Variants in TOX2 observed in about 807,000 individuals in gnomAD.
TOX2 encodes TOX high mobility group box family member 2.
TOX2 carries 15 observed loss-of-function variants against 47.4 expected under a neutral mutation model. The ratio of observed to expected loss-of-function variants is 0.32; its 90% CI spans 0.21 to 0.49. The LOEUF (loss-of-function observed/expected upper bound fraction) is 0.49. TOX2 is among the 20% of genes least tolerant of loss of function. TOX2 has a pLI of 0.99. For missense variants in TOX2, 622 were observed against 673.1 expected (o/e 0.92, Z 0.84); for synonymous variants, 290 against 296.6 (o/e 0.98, Z 0.23).
intron 2 of TOX2, among the ~76,000 whole-genome samples, chr20:43,976,260 G>T (rs2070075627): frequency 6.6e-6 from 1 of 152,202 alleles, no homozygotes; most frequent in Non-Finnish European, 1.5e-5. Flanking sequence ...TTCTGGCCTT[G>T]CTTAGGATCA....
rs73282684 is a variant in TOX2, at chr20:44,016,437, T to C, written c.411+9645T>C. 4.3e-3 allele frequency among the ~76,000 whole-genome samples: 658 copies of C among 152,236 alleles called. 3 individuals carry two copies. The highest frequency in any genetic ancestry group is 0.015 in the African/African-American group (625 of 41,536). The stretch of plus-strand genomic sequence containing the variant: ...CTATGCCTGGCCTGAAGTAGCATCT[T>C]AAACCATGGTGTTTCCCACCTGTGT... On this transcript the variant is annotated intron_variant, in intron 3 of 8. Transcript: ENST00000341197.
At chr20:43,934,158 AGAGAGAGAGAC>A in intron 1 of TOX2, among the ~76,000 whole-genome samples, 1 of 150,596 alleles carries the variant, frequency 6.6e-6, no homozygotes, top group East Asian at 2.0e-4. Flanking sequence ...AGAGAGAGAG[AGAGAGAGAGAC>A]CTGCCCTCAG....
At chr20:43,943,302 CT>C (rs35344264) in intron 1 of TOX2, among the ~76,000 whole-genome samples, 74,101 of 152,024 alleles carry the variant, frequency 0.49, 21,005 homozygotes, top group Non-Finnish European at 0.62. Context: ...TATAAACTCC[CT>C]CTCCTACAGA....
At chr20:44,059,315 CAG>C (rs1362772684) in intron 5 of TOX2, among the ~76,000 whole-genome samples, 1 of 152,076 alleles carries the variant, frequency 6.6e-6, no homozygotes, top group Admixed American at 6.6e-5. Context: ...CCCAATTCAA[CAG>C]AGACAAAAAA....
At chr20:43,951,710 T>G (rs189627107) in intron 1 of TOX2, among the ~76,000 whole-genome samples, 1,378 of 113,338 alleles carry the variant, frequency 0.012, 75 homozygotes, top group African/African-American at 0.044. Flanking sequence ...TTATTATGTT[T>G]TTTTTTTTTT....
chr20:44,012,878 C>T (rs181776718), intron 3 of TOX2, among the ~76,000 whole-genome samples: 99 of 152,344 alleles, frequency 6.5e-4, no homozygotes, highest in Admixed American at 3.5e-3. Context: ...TCTAGGTCCC[C>T]GTCCCAAAGC....
chr20:43,931,739 G>T (rs2069255475), intron 1 of TOX2, among the ~76,000 whole-genome samples: 1 of 152,222 alleles, frequency 6.6e-6, no homozygotes, highest in South Asian at 2.1e-4. Context: ...TAGTTGGGAG[G>T]TGGTGCCTGT....
intron 4 of TOX2, 97 bp downstream of exon 4, chr20:44,051,642 T>C (rs1353065310): frequency 1.4e-6 from 2 of 1,478,818 alleles, no homozygotes; most frequent in Non-Finnish European, 1.8e-6. Flanking sequence ...TAGTAAAGAC[T>C]AGAAAAGCCT....
chr20:43,952,712 A>G (rs2069601328), intron 1 of TOX2, among the ~76,000 whole-genome samples: 1 of 152,184 alleles, frequency 6.6e-6, no homozygotes, highest in Non-Finnish European at 1.5e-5. Flanking sequence ...AGAGCCAGAT[A>G]TTGGAGAGCA....
intron 2 of TOX2, among the ~76,000 whole-genome samples, chr20:43,985,511 T>A (rs188151124): frequency 2.6e-5 from 4 of 152,348 alleles, no homozygotes; most frequent in Admixed American, 1.3e-4. Flanking sequence ...CCAAGTTTTC[T>A]GAGCTTCAAT....
chr20:43,948,567 T>G (rs527596497), intron 1 of TOX2, among the ~76,000 whole-genome samples: 2 of 152,334 alleles, frequency 1.3e-5, no homozygotes, highest in South Asian at 2.1e-4. Context: ...AGGTTTCCAG[T>G]GGAGGCAGCT....
chr20:43,945,701 C>T (rs575218050), intron 1 of TOX2: 31 of 595,862 alleles, frequency 5.2e-5, no homozygotes, highest in African/African-American at 1.7e-4. Flanking sequence ...GCGTGGAGAC[C>T]GCCACCAGGA....
At chr20:44,033,244 AT>A (rs142265154) in intron 3 of TOX2, among the ~76,000 whole-genome samples, 8 of 150,826 alleles carry the variant, frequency 5.3e-5, no homozygotes, top group Non-Finnish European at 8.9e-5. Flanking sequence ...TTTGTGCTAG[AT>A]TTTTTTTTTC....
chr20:43,991,614 CATT>C (rs143981680), intron 2 of TOX2, among the ~76,000 whole-genome samples: 18,428 of 141,244 alleles, frequency 0.13, 1,212 homozygotes, highest in South Asian at 0.2. Flanking sequence ...AGGCAATAAT[CATT>C]ATTATTATTA....
chr20:44,035,647 C>T (rs751634091), intron 3 of TOX2, among the ~76,000 whole-genome samples: 8 of 152,206 alleles, frequency 5.3e-5, no homozygotes, highest in South Asian at 2.1e-4. Flanking sequence ...TGGAGGGAGA[C>T]GTGGCTGATG....
At chr20:43,951,707 G>GTTTGTTTTTTTTTTTTTTTT (rs2069571364) in intron 1 of TOX2, among the ~76,000 whole-genome samples, 1 of 55,098 alleles carries the variant, frequency 1.8e-5, no homozygotes, top group Non-Finnish European at 3.9e-5. Context: ...AACTTATTAT[G>GTTTGTTTTTTTTTTTTTTTT]TTTTTTTTTT....
intron 7 of TOX2, among the ~76,000 whole-genome samples, 176 bp from the exon 8 acceptor site, chr20:44,066,554 A>C (rs561223083): frequency 6.6e-6 from 1 of 152,326 alleles, no homozygotes; most frequent in South Asian, 2.1e-4. Context: ...GATTCAGCCA[A>C]GACAAGGGTT....
chr20:43,936,845 G>T (rs2069332522), intron 1 of TOX2, among the ~76,000 whole-genome samples: 1 of 152,196 alleles, frequency 6.6e-6, no homozygotes, highest in Non-Finnish European at 1.5e-5. Flanking sequence ...GCCTCACGGT[G>T]CCAAGGGCAT....
chr20:43,966,961 AC>A (rs1393948837), intron 1 of TOX2, among the ~76,000 whole-genome samples: 1 of 4,016 alleles, frequency 2.5e-4, no homozygotes, highest in Non-Finnish European at 5.6e-4. Context: ...ACACGGACCC[AC>A]CAACACCAAC....
Sources: allele counts gnomAD v4.1 joint callset (sites outside exome capture counted in the v4.1 genomes callset), GRCh38; gene constraint gnomAD v4.1.1; transcripts MANE v1.5; gene names NCBI Gene and HGNC (gene_info 2026-07-23, HGNC 2026-07-21).